The following PIGL variants were observed in gnomAD, a reference collection of about 807,000 sequenced individuals.
PIGL encodes the protein N-acetylglucosaminyl-phosphatidylinositol de-N-acetylase.
PIGL carries 22 observed loss-of-function variants against 31.1 expected under a neutral mutation model. The ratio of observed to expected loss-of-function variants is 0.71; its 90% CI spans 0.51 to 1.01. The LOEUF (loss-of-function observed/expected upper bound fraction) is 1.01, where lower values mean the gene tolerates loss of function less well. Ranked by LOEUF, PIGL falls within the 50% of genes least tolerant of loss-of-function variation. The probability of loss-of-function intolerance (pLI) is 0.00; values close to 1 mark genes in which losing one functional copy is unlikely to be tolerated. For missense variants in PIGL, 302 were observed against 315.9 expected, an observed-to-expected ratio of 0.96 and a Z score of 0.33; for synonymous variants, 131 against 117.4, an observed-to-expected ratio of 1.12 and a Z score of -0.75.
intron 6 of PIGL, among the ~76,000 whole-genome samples, chr17:16,322,186 T>C (rs1048840632): frequency 2.6e-5 from 4 of 152,014 alleles, no homozygotes; most frequent in Non-Finnish European, 5.9e-5. Context: ...CTCCACCTCC[T>C]GGGTTCAAGC....
intron 2 of PIGL, among the ~76,000 whole-genome samples, chr17:16,263,508 G>A (rs1409535536): frequency 6.7e-6 from 1 of 149,636 alleles, no homozygotes; most frequent in Non-Finnish European, 1.5e-5. Context: ...TTTTTTGTTT[G>A]TTTTGTTTAG....
At chr17:16,300,349 T>C (rs891591945) in intron 3 of PIGL, among the ~76,000 whole-genome samples, 1 of 152,182 alleles carries the variant, frequency 6.6e-6, no homozygotes, top group African/African-American at 2.4e-5. Context: ...CCTCACCTTT[T>C]ACCAAGCATT....
intron 2 of PIGL, among the ~76,000 whole-genome samples, chr17:16,265,869 G>C (rs981176455): frequency 6.6e-6 from 1 of 151,992 alleles, no homozygotes; most frequent in East Asian, 1.9e-4. Context: ...TATAGACCCT[G>C]TACTTTAAGA....
chr17:16,303,101 G>C (rs948235459), intron 3 of PIGL, among the ~76,000 whole-genome samples: 45 of 152,058 alleles, frequency 3.0e-4, no homozygotes, highest in African/African-American at 1.1e-3. Context: ...GCTTTCAGAA[G>C]AGTCTCCCAT....
At chr17:16,220,480 A>G (rs111915303) in intron 1 of PIGL, among the ~76,000 whole-genome samples, 4 of 57,192 alleles carry the variant, frequency 7.0e-5, no homozygotes, top group African/African-American at 1.0e-4. Context: ...TTAAATTGTT[A>G]TTTTTTTTTT....
At chr17:16,240,864 T>C (rs1406929804) in intron 2 of PIGL, among the ~76,000 whole-genome samples, 1 of 107,772 alleles carries the variant, frequency 9.3e-6, no homozygotes. Flanking sequence ...ATCCCAGCAC[T>C]TTGGGAGGCC....
chr17:16,223,290 C>A (rs1480302633), intron 1 of PIGL, among the ~76,000 whole-genome samples: 1 of 152,006 alleles, frequency 6.6e-6, no homozygotes, highest in Non-Finnish European at 1.5e-5. Flanking sequence ...TTAGAAAGCT[C>A]ATTCTTGGCC....
chr17:16,243,517 G>A lies in PIGL; in HGVS notation c.335+9447G>A, dbSNP rs139753267. On this transcript the variant is annotated intron_variant, in intron 2 of 6. Coordinates refer to ENST00000225609, the MANE Select transcript of PIGL (RefSeq NM_004278.4). ...CATGGTAAACTACTGGGGTCACCAC[G>A]GGAGAATTTCTTCTGTTTATACCAG... 5.9e-3 allele frequency among the ~76,000 whole-genome samples: 903 copies of A among 152,266 alleles called. 8 individuals are homozygous for A. Among genetic ancestry groups the A allele is most frequent in the East Asian group, 0.033 (173 of 5,186 alleles).
chr17:16,246,672 CTTTTTTTTTTT>C (rs1197171634), intron 2 of PIGL, among the ~76,000 whole-genome samples: 2 of 64,162 alleles, frequency 3.1e-5, no homozygotes, highest in African/African-American at 5.7e-5. Context: ...AGATCAAGGT[CTTTTTTTTTTT>C]TTTTTTTTTT....
chr17:16,317,955 A>AG (rs2093085508), intron 6 of PIGL, 47 bp downstream of exon 6: 2 of 1,370,448 alleles, frequency 1.5e-6, no homozygotes, highest in Non-Finnish European at 1.9e-6. Flanking sequence ...TCCCTGCCCC[A>AG]GACCCCTGTC....
At chr17:16,297,573 A>T (rs986946797) in intron 2 of PIGL, among the ~76,000 whole-genome samples, 1 of 152,130 alleles carries the variant, frequency 6.6e-6, no homozygotes, top group Admixed American at 6.5e-5. Flanking sequence ...ATTCCAAGAC[A>T]TTTTCTCTGT....
At chr17:16,306,510 G>T (rs2093026750) in intron 3 of PIGL, among the ~76,000 whole-genome samples, 4 of 145,582 alleles carry the variant, frequency 2.7e-5, no homozygotes, top group Admixed American at 6.9e-5. Flanking sequence ...CCAGGTGTTT[G>T]AGTTATACGA....
chr17:16,229,969 C>T (rs1028618689), intron 1 of PIGL, among the ~76,000 whole-genome samples: 1 of 142,546 alleles, frequency 7.0e-6, no homozygotes, highest in Admixed American at 7.6e-5. Context: ...TCAAGAGATT[C>T]TCCTGCCTTA....
intron 2 of PIGL, among the ~76,000 whole-genome samples, chr17:16,282,342 T>C (rs538668700): frequency 6.6e-6 from 1 of 152,156 alleles, no homozygotes; most frequent in South Asian, 2.1e-4. Flanking sequence ...CTTTACAACT[T>C]AGAAAAGCCT....
intron 1 of PIGL, among the ~76,000 whole-genome samples, chr17:16,223,730 A>C (rs1303482628): frequency 6.6e-6 from 1 of 152,056 alleles, no homozygotes; most frequent in African/African-American, 2.4e-5. Context: ...AAAGAAAAAA[A>C]AAAAAGAAAG....
At chr17:16,305,239 G>A (rs959824836) in intron 3 of PIGL, among the ~76,000 whole-genome samples, 16 of 152,036 alleles carry the variant, frequency 1.1e-4, no homozygotes, top group African/African-American at 3.6e-4. Context: ...GCATGATCAC[G>A]TCACGTCACT....
rs561134248 is a variant in PIGL, at chr17:16,291,058, A to G, written c.336-8830A>G. On this transcript the variant is annotated intron_variant, in intron 2 of 6. Transcript: ENST00000225609. ...CTTTCAAATTGATTTTGAATTACAT[A>G]CAAGTAATTTCCAAGGAGAGTCAGT... is the stretch of plus-strand genomic sequence containing the variant. Among the ~76,000 whole-genome samples, 96 of 152,290 alleles carry G rather than the reference A, an allele frequency of 6.3e-4. 1 individual carries two copies. The South Asian group carries it at 8.7e-3, about 14-fold the overall frequency.
At chr17:16,311,858 C>A (rs1405659570) in intron 3 of PIGL, among the ~76,000 whole-genome samples, 2 of 151,976 alleles carry the variant, frequency 1.3e-5, no homozygotes, top group African/African-American at 4.8e-5. Flanking sequence ...GGTCTACCTC[C>A]TTCTACACAG....
intron 2 of PIGL, among the ~76,000 whole-genome samples, chr17:16,241,114 CAAAAAAAA>C (rs35578509): frequency 4.3e-4 from 23 of 52,996 alleles, no homozygotes; most frequent in African/African-American, 1.5e-3. Context: ...AACTCCCTCT[CAAAAAAAA>C]AAAAAAAAAA....
Sources: gnomAD v4.1 joint callset for allele counts (sites outside exome capture counted in the v4.1 genomes callset) on GRCh38, gnomAD v4.1.1 for gene constraint, MANE v1.5 for transcripts, NCBI Gene and HGNC (gene_info 2026-07-23, HGNC 2026-07-21) for gene names.